Variants in SPATC1 observed in about 807,000 individuals in gnomAD.
The protein encoded by SPATC1 is spermatogenesis and centriole associated 1.
SPATC1 carries 35 observed loss-of-function variants against 36.5 expected under a neutral mutation model. That is an observed-to-expected ratio of 0.96 (90% CI 0.73 to 1.27). The LOEUF is 1.27. Among genes scored for constraint, SPATC1 ranks in the 50% most tolerant of loss-of-function variants. SPATC1 has a pLI of 0.00. For missense variants in SPATC1, 779 were observed against 796.0 expected (o/e 0.98, Z 0.26); for synonymous variants, 361 against 353.6 (o/e 1.02, Z -0.24).
intron 1 of SPATC1, among the ~76,000 whole-genome samples, chr8:144,036,413 C>T (rs2133134666): frequency 6.6e-6 from 1 of 152,308 alleles, no homozygotes; most frequent in Admixed American, 6.5e-5. Context: ...CAGCCCCAAC[C>T]TCCTGGGATC....
rs139855993 is a variant in SPATC1 at position 144,045,691 on chromosome 8, G to C, written c.1447-936G>C. ...GGCTCTGTGGGCCTGTGCAGAGAGC[G>C]GGCAGGGCCAAGCCTGGAGGCAGGG... On this transcript the variant is annotated intron_variant, in intron 4 of 4. Coordinates refer to ENST00000377470, the MANE Select transcript of SPATC1 (RefSeq NM_198572.3). This position sits in a 1 kb window ranked among gnomAD's most constrained non-coding sequence, Gnocchi z 5.2. Among the ~76,000 whole-genome samples, 255 of 152,342 alleles carry C rather than the reference G, an allele frequency of 1.7e-3. 1 individual carries two copies. Among genetic ancestry groups the C allele is most frequent in the African/African-American group, 5.8e-3 (240 of 41,568 alleles).
In SPATC1 at chr8:144,041,541, G is replaced by A. The variant is rs371434938; in HGVS notation, c.1446+170G>A. ...TGCAGGTGTTGGGGCATCTGGCAGT[G>A]GGAGCCCACGGTCTCCTCAGAGGAA... On this transcript the variant is annotated intron_variant, in intron 4 of 4. Coordinates refer to ENST00000377470, the MANE Select transcript of SPATC1 (RefSeq NM_198572.3). 1.6e-4 allele frequency among the ~76,000 whole-genome samples: 25 copies of A among 152,360 alleles called. No homozygotes were observed. In the East Asian group the frequency reaches 4.4e-3, roughly 27 times the overall value.
chr8:144,039,853 TCGCC>T (rs1337638650), intron 1 of SPATC1, 52 bp from the exon 2 acceptor site: 2 of 1,553,576 alleles, frequency 1.3e-6, no homozygotes, highest in Non-Finnish European at 1.8e-6. Context: ...GTGACCACCC[TCGCC>T]GTGGTCTGGA....
At chr8:144,011,527 T>C (rs186077283), upstream of SPATC1, among the ~76,000 whole-genome samples, 26 of 152,124 alleles carry the variant, frequency 1.7e-4, 1 homozygote, top group East Asian at 4.5e-3. The surrounding 1 kb of genome is among the most constrained non-coding windows in gnomAD (Gnocchi z 4.5). Flanking sequence ...AAAAAGAGGT[T>C]TGAGGGAGAA....
chr8:144,021,516 C>CCCCTCAGGACCCTCTT (rs1834535089), intron 1 of SPATC1, among the ~76,000 whole-genome samples: 8 of 41,834 alleles, frequency 1.9e-4, no homozygotes, highest in East Asian at 7.2e-4. Context: ...AGATCCCTCT[C>CCCCTCAGGACCCTCTT]CCCTCAGGGC....
rs114561981 is a variant in SPATC1 at position 144,044,975 on chromosome 8, G to A, written c.1447-1652G>A. On this transcript the variant is annotated intron_variant, in intron 4 of 4. Coordinates refer to ENST00000377470, the MANE Select transcript of SPATC1 (RefSeq NM_198572.3). ...AAACAACAACAAAAAGACACAACTCGCTGCATTGAGATGTGAGTGCACTGC... is the reference window on the plus strand; with the variant it reads ...AAACAACAACAAAAAGACACAACTCACTGCATTGAGATGTGAGTGCACTGC... 6.1e-3 allele frequency among the ~76,000 whole-genome samples: 926 copies of A among 152,314 alleles called. 5 individuals are homozygous for A. The highest frequency in any genetic ancestry group is 0.021 in the African/African-American group (878 of 41,592).
rs1251941311 is a variant in SPATC1, at chr8:144,045,322, G to C, written c.1447-1305G>C. On this transcript the variant is annotated intron_variant, in intron 4 of 4. Transcript: ENST00000377470. This position sits in a 1 kb window ranked among gnomAD's most constrained non-coding sequence, Gnocchi z 5.2. ...CATCCCAGGCACGTCCCAGGCAACA[G>C]GGGTGCTGAGCGCAGGCTCTGGGAG... Among the ~76,000 whole-genome samples the C allele has an allele frequency of 6.6e-6, 1 of 152,256 alleles. No individual in the cohort carries two copies. The highest frequency in any genetic ancestry group is 1.5e-5 in the Non-Finnish European group (1 of 68,046).
At chr8:144,027,007 G>GTTTT (rs1375778377) in intron 1 of SPATC1, among the ~76,000 whole-genome samples, 2 of 133,752 alleles carry the variant, frequency 1.5e-5, no homozygotes, top group Non-Finnish European at 1.6e-5. Context: ...TTTTTTTTTG[G>GTTTT]ATTTTTAGTA....
intron 1 of SPATC1, among the ~76,000 whole-genome samples, chr8:144,026,958 C>T (rs2133119461): frequency 1.3e-5 from 2 of 149,824 alleles, no homozygotes; most frequent in South Asian, 2.1e-4. Flanking sequence ...TACAGGCGCC[C>T]ACCACCACGC....
chr8:144,019,886 GGCC>G (rs1275114794), intron 1 of SPATC1, among the ~76,000 whole-genome samples: 6 of 150,592 alleles, frequency 4.0e-5, no homozygotes, highest in African/African-American at 1.5e-4. Flanking sequence ...CTCCCCTCAG[GGCC>G]GCCTCGTCCT....
intron 1 of SPATC1, among the ~76,000 whole-genome samples, chr8:144,033,623 C>T (rs1441933022): frequency 6.6e-6 from 1 of 152,290 alleles, no homozygotes; most frequent in East Asian, 1.9e-4. Flanking sequence ...TGCTACCTGT[C>T]TGGCTAGTTT....
At chr8:144,024,172 G>T (rs932826158) in intron 1 of SPATC1, among the ~76,000 whole-genome samples, 1 of 61,980 alleles carries the variant, frequency 1.6e-5, no homozygotes, top group Non-Finnish European at 3.3e-5. Flanking sequence ...ACCCTCTCCC[G>T]TTAGGACCCT....
At chr8:144,012,901 G>A (rs915638700) in intron 1 of SPATC1, 175 bp downstream of exon 1, 23 of 721,442 alleles carry the variant, frequency 3.2e-5, no homozygotes, top group Admixed American at 2.8e-4. Context: ...GGAGGAGGCT[G>A]CATTCCCTCC....
chr8:144,029,828 T>C (rs1024190401), intron 1 of SPATC1, among the ~76,000 whole-genome samples: 1 of 152,228 alleles, frequency 6.6e-6, no homozygotes, highest in Non-Finnish European at 1.5e-5. Context: ...CTAGTTGGTT[T>C]ATAGAAAGGT....
chr8:144,040,166 C>G lies in SPATC1; in HGVS notation c.469C>G (p.Leu157Val). 6.2e-7 allele frequency: 1 copy of G among 1,610,218 alleles called. No homozygotes were observed. The highest frequency in any genetic ancestry group is 1.1e-5 in the South Asian group (1 of 90,768). ...CCTAACAGGCACACTGGCCAGTTCC[C>G]TGGGCCTGCCCTCCACTGGCACCCT... ...GPLTGTLASS[L>V]GLPSTGTLTP... The change falls in exon 2 of 5, where the codon CTG (leucine) becomes GTG (valine). Residue 157 changes from leucine to valine, a missense_variant. Transcript: ENST00000377470.
At chr8:144,036,451 G>A (rs1834900169) in intron 1 of SPATC1, among the ~76,000 whole-genome samples, 1 of 152,108 alleles carries the variant, frequency 6.6e-6, no homozygotes, top group African/African-American at 2.4e-5. Flanking sequence ...AGCCTCCCAA[G>A]TAGCTGGGAC....
intron 1 of SPATC1, among the ~76,000 whole-genome samples, chr8:144,017,347 C>A (rs748203443): frequency 5.9e-5 from 9 of 152,170 alleles, no homozygotes; most frequent in Non-Finnish European, 1.2e-4. Context: ...CTCATGAACT[C>A]AGGCCTTCGA....
In SPATC1 at chr8:144,040,131, T is replaced by C; in HGVS notation, c.434T>C (p.Ile145Thr). 1 of 1,609,732 alleles carries C rather than the reference T, an allele frequency of 6.2e-7. No homozygotes were observed. The highest frequency in any genetic ancestry group is 1.1e-5 in the South Asian group (1 of 90,840). The change falls in exon 2 of 5, where the codon ATT (isoleucine) becomes ACT (threonine). Residue 145 changes from isoleucine to threonine, a missense_variant. Physicochemically the swap from Ile to Thr is moderately conservative, Grantham distance 89. Transcript: ENST00000377470. ...SPLTSFLTSP[I>T]AGPLTGTLAS... is the part of the protein sequence containing the mutation. The stretch of plus-strand genomic sequence containing the variant: ...CTCACCAGCTTCCTGACCAGTCCCA[T>C]TGCGGGACCCCTAACAGGCACACTG...
intron 1 of SPATC1, among the ~76,000 whole-genome samples, chr8:144,020,022 G>A (rs1834474440): frequency 6.6e-6 from 1 of 151,822 alleles, no homozygotes; most frequent in South Asian, 2.1e-4. Context: ...TCCCTCACAC[G>A]AGAACCTGCC....
Sources: allele counts gnomAD v4.1 joint callset (sites outside exome capture counted in the v4.1 genomes callset), GRCh38; gene constraint gnomAD v4.1.1; non-coding constraint Gnocchi (gnomAD v3.1); transcripts MANE v1.5; gene names NCBI Gene and HGNC (gene_info 2026-07-23, HGNC 2026-07-21).